The following RASA1 variants were observed in gnomAD, a reference collection of about 807,000 sequenced individuals.
RASA1 encodes the protein RAS p21 protein activator 1.
A neutral mutation model predicts 132.2 loss-of-function variants in RASA1; 25 were observed. That is an observed-to-expected ratio of 0.19 (90% CI 0.14 to 0.26). The LOEUF is 0.26. Among genes scored for constraint, RASA1 ranks in the 10% least tolerant of loss-of-function variants. The pLI is 1.00. For synonymous variants in RASA1, 477 were observed against 449.9 expected, an observed-to-expected ratio of 1.06 and a Z score of -0.76; for missense variants, 964 against 1,299.2, an observed-to-expected ratio of 0.74 and a Z score of 3.97.
chr5:87,349,285 A>G lies in RASA1; in HGVS notation c.1174A>G (p.Thr392Ala), dbSNP rs2112421633. The G allele has an allele frequency of 6.2e-7, 1 of 1,612,166 alleles. No individual in the cohort carries two copies. Among genetic ancestry groups the G allele is most frequent in the Non-Finnish European group, 8.5e-7 (1 of 1,178,772 alleles). ...TGGCGATTATTCACTTTATTTCCGG[A>G]CCAATGAAAATATTCAGCGATTTAA... ...TPGDYSLYFR[T>A]NENIQRFKIC... Residue 392 changes from threonine to alanine, a missense_variant, in exon 8 of 25, where the codon ACC (threonine) becomes GCC (alanine). Thr to Ala is a moderately conservative substitution (Grantham distance 58). This residue lies in a region of RASA1 where 154 missense variants were observed against 286.5 expected (regional missense o/e 0.54). Coordinates refer to ENST00000274376, the MANE Select transcript of RASA1 (RefSeq NM_002890.3).
At chr5:87,363,631 T>C in intron 11 of RASA1, 127 bp downstream of exon 11, 1 of 1,080,628 alleles carries the variant, frequency 9.3e-7, no homozygotes, top group African/African-American at 1.6e-5. Context: ...TTCTAGGTAA[T>C]TTTTGCCTTC....
At chr5:87,278,017 T>C (rs1375201189) in intron 1 of RASA1, among the ~76,000 whole-genome samples, 5 of 152,114 alleles carry the variant, frequency 3.3e-5, no homozygotes, top group Non-Finnish European at 7.4e-5. Flanking sequence ...CATTTTACTT[T>C]AAAAATTTCG....
chr5:87,354,022 T>G (rs936810826), intron 9 of RASA1, among the ~76,000 whole-genome samples: 2 of 152,106 alleles, frequency 1.3e-5, no homozygotes, highest in African/African-American at 2.4e-5. Context: ...TTAAGGGTTT[T>G]GGGTACCCAG....
chr5:87,273,553 T>C (rs771157649), intron 1 of RASA1, among the ~76,000 whole-genome samples: 3 of 152,088 alleles, frequency 2.0e-5, no homozygotes, highest in Non-Finnish European at 4.4e-5. Flanking sequence ...CAGTTATATG[T>C]AGAGATTTTT....
intron 9 of RASA1, among the ~76,000 whole-genome samples, chr5:87,357,095 CCAT>C (rs1324528671): frequency 6.6e-6 from 1 of 152,158 alleles, no homozygotes; most frequent in Non-Finnish European, 1.5e-5. Context: ...CTTCCTATCA[CCAT>C]GTCAGTCTTC....
Position 87,374,972 on chromosome 5 carries a change from A to G in RASA1, c.2011+56A>G, listed in dbSNP as rs73156398. On this transcript the variant is annotated intron_variant, in intron 15 of 24. Transcript: ENST00000274376. ...AAAAAGCATGTTTTATATACTTTCA[A>G]AATTCACAATGAAAGTCTTAAAATA... is the stretch of plus-strand genomic sequence containing the variant. The G allele has an allele frequency of 4.4e-3, 6,894 of 1,551,956 alleles. 238 individuals are homozygous for G. The African/African-American group carries it at 0.077, about 17-fold the overall frequency.
At chr5:87,306,266 A>G (rs1580222409) in intron 1 of RASA1, among the ~76,000 whole-genome samples, 1 of 152,242 alleles carries the variant, frequency 6.6e-6, no homozygotes, top group Non-Finnish European at 1.5e-5. Flanking sequence ...GTACATATAT[A>G]CCATGGAATA....
intron 1 of RASA1, among the ~76,000 whole-genome samples, chr5:87,319,854 G>A (rs908865473): frequency 1.3e-5 from 2 of 152,154 alleles, no homozygotes; most frequent in Non-Finnish European, 2.9e-5. Flanking sequence ...AGCATGGTGA[G>A]GCTGCAAAAT....
rs536969715 is a variant in RASA1 at position 87,310,131 on chromosome 5, A to G, written c.540-21217A>G. Among the ~76,000 whole-genome samples the G allele has an allele frequency of 7.9e-5, 12 of 152,302 alleles. No individual in the cohort carries two copies. In the East Asian group the frequency reaches 1.2e-3, roughly 15 times the overall value. On this transcript the variant is annotated intron_variant, in intron 1 of 24. Coordinates refer to ENST00000274376, the MANE Select transcript of RASA1 (RefSeq NM_002890.3). ...AGCAGTTTGTTGCTTTTGAAAATCA[A>G]TTGACTGCTTTGAGGTTGATTTCTT...
chr5:87,282,881 G>T (rs1168179825), intron 1 of RASA1, among the ~76,000 whole-genome samples: 3 of 152,076 alleles, frequency 2.0e-5, no homozygotes, highest in Non-Finnish European at 4.4e-5. Flanking sequence ...TATGTGTGTT[G>T]TGTACAACAG....
intron 19 of RASA1, among the ~76,000 whole-genome samples, 198 bp downstream of exon 19, chr5:87,380,048 AAT>A (rs1183485841): frequency 2.0e-5 from 3 of 152,200 alleles, no homozygotes; most frequent in Non-Finnish European, 4.4e-5. Flanking sequence ...CGTACAAGCC[AAT>A]ATGTCTGGTT....
intron 11 of RASA1, 122 bp downstream of exon 11, chr5:87,363,626 G>A: frequency 8.9e-7 from 1 of 1,123,604 alleles, no homozygotes; most frequent in Non-Finnish European, 1.3e-6. Flanking sequence ...GCACTTTCTA[G>A]GTAATTTTTG....
chr5:87,287,876 C>T (rs923947875), intron 1 of RASA1, among the ~76,000 whole-genome samples: 3 of 122,166 alleles, frequency 2.5e-5, no homozygotes, highest in East Asian at 2.3e-4. Context: ...ACCATATATA[C>T]ACACACCATA....
intron 9 of RASA1, among the ~76,000 whole-genome samples, chr5:87,358,441 A>T (rs1308895545): frequency 6.6e-6 from 1 of 152,168 alleles, no homozygotes; most frequent in African/African-American, 2.4e-5. Flanking sequence ...ATCATCCTCA[A>T]TTCTTCTCTT....
intron 11 of RASA1, chr5:87,366,427 T>C (rs966143111): frequency 1.9e-4 from 72 of 373,246 alleles, no homozygotes; most frequent in South Asian, 7.8e-4. Context: ...AGAGAAAGAA[T>C]TGCCAGAGTA....
rs1250056559 is a variant in RASA1 at position 87,268,403 on chromosome 5, C to T, written c.-49C>T. On this transcript the variant is annotated 5_prime_UTR_variant, in exon 1 of 25. Coordinates refer to ENST00000274376, the MANE Select transcript of RASA1 (RefSeq NM_002890.3). ...GCTCGGAGCCCGGGCCTGGTGGCCC[C>T]TGGGGCTCCCGGGCGGGCAGGGTAG... is the stretch of plus-strand genomic sequence containing the variant. 1 of 1,484,062 alleles carries T rather than the reference C, an allele frequency of 6.7e-7. No individual in the cohort carries two copies. Among genetic ancestry groups the T allele is most frequent in the Admixed American group, 2.3e-5 (1 of 42,918 alleles). 91.9% of individuals were successfully genotyped at this position (1,484,062 alleles called of 1,614,324 possible).
At chr5:87,276,927 G>C (rs1187757988) in intron 1 of RASA1, among the ~76,000 whole-genome samples, 1 of 152,134 alleles carries the variant, frequency 6.6e-6, no homozygotes, top group East Asian at 1.9e-4. Context: ...CATATAACTA[G>C]GTAGTGGTAG....
rs540316274 is a variant in RASA1, at chr5:87,391,740, T to TTTGA, written c.*860_*863dup. On this transcript the variant is annotated 3_prime_UTR_variant, in exon 25 of 25. Coordinates refer to ENST00000274376, the MANE Select transcript of RASA1 (RefSeq NM_002890.3). ...ATTTGTTCATTATTTGTGCTACCCC[T>TTTGA]TTGATTATGCAGACAACCTCATCAG... is the stretch of plus-strand genomic sequence containing the variant. The TTTGA allele has an allele frequency of 1.7e-5, 4 of 232,380 alleles. No homozygotes were observed. The highest frequency in any genetic ancestry group is 3.4e-5 in the Non-Finnish European group (4 of 117,436). 14.4% of individuals were successfully genotyped at this position (232,380 alleles called of 1,614,324 possible).
intron 23 of RASA1, among the ~76,000 whole-genome samples, chr5:87,388,922 A>AC (rs1226356345): frequency 3.3e-5 from 5 of 151,610 alleles, no homozygotes; most frequent in Admixed American, 6.6e-5. Context: ...AGGAAGCCAC[A>AC]CCCCCCACCC....
Sources: allele counts gnomAD v4.1 joint callset (sites outside exome capture counted in the v4.1 genomes callset), GRCh38; gene constraint gnomAD v4.1.1; regional missense constraint gnomAD v4.1.1; transcripts MANE v1.5; gene names NCBI Gene and HGNC (gene_info 2026-07-23, HGNC 2026-07-21).